The following OSCP1 variants were observed in gnomAD, a reference collection of about 807,000 sequenced individuals.
The protein encoded by OSCP1 is protein OSCP1.
A neutral mutation model predicts 45.1 loss-of-function variants in OSCP1; 35 were observed. The ratio of observed to expected loss-of-function variants is 0.78; its 90% CI spans 0.59 to 1.03. The LOEUF (loss-of-function observed/expected upper bound fraction) is 1.03, where lower values mean the gene tolerates loss of function less well. Ranked by LOEUF, OSCP1 falls within the 50% of genes least tolerant of loss-of-function variation. The probability of loss-of-function intolerance (pLI) is 0.00; values close to 1 mark genes in which losing one functional copy is unlikely to be tolerated. For missense variants in OSCP1, 400 were observed against 470.7 expected (o/e 0.85, Z 1.39); for synonymous variants, 179 against 180.1 (o/e 0.99, Z 0.05).
intron 1 of OSCP1, chr1:36,444,007 G>A (rs781084547): frequency 6.2e-6 from 10 of 1,613,464 alleles, no homozygotes; most frequent in Admixed American, 5.0e-5. Flanking sequence ...AGCATACCTC[G>A]TTTTCTGTCC....
intron 9 of OSCP1, 158 bp from the exon 10 acceptor site, chr1:36,418,413 G>A (rs1353553816): frequency 1.6e-6 from 1 of 637,106 alleles, no homozygotes; most frequent in Non-Finnish European, 2.8e-6. Context: ...TGATCAGAGA[G>A]AAGAAGAGGG....
intron 3 of OSCP1, 53 bp downstream of exon 3, chr1:36,432,369 G>C: frequency 1.9e-6 from 3 of 1,584,874 alleles, no homozygotes; most frequent in Non-Finnish European, 2.6e-6. Flanking sequence ...TCTTAACAGA[G>C]GGATGAGAAA....
At chr1:36,441,584 T>TA (rs1041822670) in intron 1 of OSCP1, among the ~76,000 whole-genome samples, 44 of 148,494 alleles carry the variant, frequency 3.0e-4, no homozygotes, top group South Asian at 2.4e-3. Flanking sequence ...CCGTCTCCAC[T>TA]AAAAAAAAAT....
At position 36,438,192 on chromosome 1, in the gene OSCP1, C is replaced by T. The variant is rs541107709; in HGVS notation, c.267+564G>A. On this transcript the variant is annotated intron_variant, in intron 2 of 9. Transcript: ENST00000235532. ...ATTAGCCTGGCATGGTGGCGCATGC[C>T]TGTAATCCCAGCTACTTGAGAGGCT... is the stretch of plus-strand genomic sequence containing the variant. Among the ~76,000 whole-genome samples, 9 of 152,128 alleles carry T rather than the reference C, an allele frequency of 5.9e-5. No individual in the cohort carries two copies. The South Asian group carries it at 1.7e-3, about 28-fold the overall frequency.
At chr1:36,428,002 A>G (rs1446249076) in intron 4 of OSCP1, among the ~76,000 whole-genome samples, 1 of 151,938 alleles carries the variant, frequency 6.6e-6, no homozygotes, top group Admixed American at 6.6e-5. Context: ...AGTCTGGCCA[A>G]CGTGGTTAAA....
intron 8 of OSCP1, 90 bp from the exon 9 acceptor site, chr1:36,419,144 T>C: frequency 1.7e-6 from 2 of 1,157,346 alleles, no homozygotes; most frequent in South Asian, 1.2e-5. Flanking sequence ...TGGCAACCTA[T>C]TTTTTCTGCC....
At chr1:36,434,851 C>G (rs1432264055) in intron 2 of OSCP1, among the ~76,000 whole-genome samples, 1 of 150,404 alleles carries the variant, frequency 6.6e-6, no homozygotes, top group African/African-American at 2.4e-5. Context: ...ACTGGAGATA[C>G]AGATTTGAGA....
intron 3 of OSCP1, 152 bp downstream of exon 3, chr1:36,432,270 A>G: frequency 1.1e-6 from 1 of 926,818 alleles, no homozygotes; most frequent in East Asian, 2.5e-5. Context: ...CATTACCAAA[A>G]TGGACACGGA....
intron 1 of OSCP1, among the ~76,000 whole-genome samples, chr1:36,446,943 T>C (rs1008726728): frequency 3.3e-5 from 5 of 152,238 alleles, no homozygotes; most frequent in Non-Finnish European, 7.3e-5. Flanking sequence ...AGTTGCCTCA[T>C]AGAGAGAGCA....
intron 4 of OSCP1, among the ~76,000 whole-genome samples, chr1:36,430,651 T>TTTTG (rs376057341): frequency 1.3e-5 from 2 of 151,974 alleles, no homozygotes; most frequent in East Asian, 2.0e-4. Flanking sequence ...CCGACTCTAT[T>TTTTG]TTTGTTTGTT....
At chr1:36,419,248 G>T in intron 8 of OSCP1, 194 bp from the exon 9 acceptor site, 2 of 588,024 alleles carry the variant, frequency 3.4e-6, no homozygotes, top group South Asian at 2.1e-5. Flanking sequence ...CTGTGACTTT[G>T]CACATTATAA....
chr1:36,423,039 T>C (rs773523101), intron 5 of OSCP1, 143 bp from the exon 6 acceptor site: 20 of 520,566 alleles, frequency 3.8e-5, no homozygotes, highest in Non-Finnish European at 6.1e-5. Flanking sequence ...ATAATAATAA[T>C]AATACAATAA....
intron 4 of OSCP1, among the ~76,000 whole-genome samples, chr1:36,430,317 A>G (rs1334336115): frequency 1.3e-5 from 2 of 152,284 alleles, no homozygotes; most frequent in East Asian, 1.9e-4. Flanking sequence ...CTAGGATTAC[A>G]GGCATGAGCC....
At chr1:36,430,173 T>C (rs1648267531) in intron 4 of OSCP1, among the ~76,000 whole-genome samples, 1 of 151,392 alleles carries the variant, frequency 6.6e-6, no homozygotes, top group Non-Finnish European at 1.5e-5. Flanking sequence ...CTCCCAAATA[T>C]CTGGGAATAC....
chr1:36,444,480 T>C (rs1276865537), intron 1 of OSCP1, among the ~76,000 whole-genome samples: 5 of 152,210 alleles, frequency 3.3e-5, no homozygotes, highest in African/African-American at 2.4e-5. Flanking sequence ...TCTTTTTTTT[T>C]TATTAATGTA....
chr1:36,444,135 C>A, intron 1 of OSCP1: 18 of 1,380,336 alleles, frequency 1.3e-5, no homozygotes, highest in Non-Finnish European at 1.8e-5. Flanking sequence ...ATCTATGAAA[C>A]TTTACTTTTC....
At chr1:36,433,036 C>T (rs1235849740) in intron 2 of OSCP1, among the ~76,000 whole-genome samples, 1 of 152,188 alleles carries the variant, frequency 6.6e-6, no homozygotes, top group East Asian at 1.9e-4. Context: ...TCTAATTTCC[C>T]AATGTTGCAG....
chr1:36,418,415 A>AGG (rs1647404457), intron 9 of OSCP1, 160 bp from the exon 10 acceptor site: 2 of 637,472 alleles, frequency 3.1e-6, no homozygotes, highest in Non-Finnish European at 5.5e-6. Flanking sequence ...ATCAGAGAGA[A>AGG]GAAGAGGGTC....
chr1:36,446,877 T>C (rs1649568386), intron 1 of OSCP1, among the ~76,000 whole-genome samples: 1 of 152,216 alleles, frequency 6.6e-6, no homozygotes, highest in Admixed American at 6.5e-5. Context: ...AGGTAGCTTT[T>C]ATTATTCTCG....
Sources: allele counts gnomAD v4.1 joint callset (sites outside exome capture counted in the v4.1 genomes callset), GRCh38; gene constraint gnomAD v4.1.1; transcripts MANE v1.5; gene names NCBI Gene and HGNC (gene_info 2026-07-23, HGNC 2026-07-21).